IL1RAPL1: variants seen among roughly 807,000 people sequenced by gnomAD.
IL1RAPL1 encodes interleukin-1 receptor accessory protein-like 1.
In IL1RAPL1, 3 loss-of-function variants were observed where a neutral mutation model predicts 48.4. That is an observed-to-expected ratio of 0.06 (90% CI 0.03 to 0.16). The LOEUF (loss-of-function observed/expected upper bound fraction) is 0.16. Among genes scored for constraint, IL1RAPL1 ranks in the 10% least tolerant of loss-of-function variants. The probability of loss-of-function intolerance (pLI) is 1.00; values close to 1 mark genes in which losing one functional copy is unlikely to be tolerated. For synonymous variants in IL1RAPL1, 185 were observed against 187.7 expected, an observed-to-expected ratio of 0.99 and a Z score of 0.12; for missense variants, 349 against 530.6, an observed-to-expected ratio of 0.66 and a Z score of 3.36.
intron 3 of IL1RAPL1, among the ~76,000 whole-genome samples, chrX:29,390,828 C>G (rs777802128): frequency 2.7e-5 from 3 of 111,867 alleles, no homozygotes; most frequent in Admixed American, 9.5e-5. Context: ...AATTTCTGCA[C>G]TTTGATCTAT....
intron 1 of IL1RAPL1, among the ~76,000 whole-genome samples, chrX:28,652,451 C>A (rs1018027483): frequency 1.8e-5 from 2 of 111,719 alleles, no homozygotes; most frequent in Non-Finnish European, 3.8e-5. Flanking sequence ...CATGCACTAC[C>A]CTCATACAAT....
intron 1 of IL1RAPL1, among the ~76,000 whole-genome samples, chrX:28,661,282 G>T (rs1258836547): frequency 8.9e-6 from 1 of 111,755 alleles, no homozygotes; most frequent in Non-Finnish European, 1.9e-5. Context: ...ATTCAGCTGA[G>T]GGTAACTACT....
intron 6 of IL1RAPL1, among the ~76,000 whole-genome samples, chrX:29,777,929 T>TGTTTTCATTTATACTGTTGTATAAATA (rs1569166076): frequency 9.1e-5 from 10 of 109,491 alleles, no homozygotes; most frequent in African/African-American, 2.7e-4. Context: ...AAATTAATCT[T>TGTTTTCATTTATACTGTTGTATAAATA]GTTTTCATTT....
chrX:28,824,571 A>G (rs1455755268), intron 2 of IL1RAPL1, among the ~76,000 whole-genome samples: 2 of 110,965 alleles, frequency 1.8e-5, no homozygotes, highest in Non-Finnish European at 3.8e-5. Context: ...GTTCTGTCCT[A>G]TCCTCCTACC....
At chrX:29,328,460 G>A (rs1932856710) in intron 3 of IL1RAPL1, among the ~76,000 whole-genome samples, 1 of 110,837 alleles carries the variant, frequency 9.0e-6, no homozygotes, top group Non-Finnish European at 1.9e-5. Flanking sequence ...GAATAACACA[G>A]TTTTCAGATG....
Position 28,886,223 on chromosome X carries a change from A to G in IL1RAPL1, c.82+96798A>G, listed in dbSNP as rs952650708. The stretch of plus-strand genomic sequence containing the variant: ...ACTAGAATATATATAATTTTATTAT[A>G]TTATCTCCTTTTTACATTGTTTTTT... On this transcript the variant is annotated intron_variant, in intron 2 of 10. Transcript: ENST00000378993. Among the ~76,000 whole-genome samples the G allele has an allele frequency of 1.7e-4, 19 of 109,838 alleles. No individual in the cohort carries two copies. In the Admixed American group the frequency reaches 1.9e-3, roughly 11 times the overall value.
At chrX:28,842,056 T>A (rs1921386278) in intron 2 of IL1RAPL1, among the ~76,000 whole-genome samples, 1 of 110,588 alleles carries the variant, frequency 9.0e-6, no homozygotes, top group African/African-American at 3.3e-5. Context: ...TCTCAGCTAG[T>A]GGTCCCTTAG....
intron 2 of IL1RAPL1, among the ~76,000 whole-genome samples, chrX:28,859,067 C>G (rs1412914121): frequency 3.6e-5 from 4 of 111,682 alleles, no homozygotes; most frequent in African/African-American, 1.3e-4. Flanking sequence ...GATTACTTAC[C>G]CATGTTTTCC....
intron 1 of IL1RAPL1, among the ~76,000 whole-genome samples, chrX:28,646,683 G>A (rs892837497): frequency 1.8e-5 from 2 of 112,087 alleles, no homozygotes; most frequent in Non-Finnish European, 3.8e-5. Flanking sequence ...AGAAACAAGT[G>A]AGATGGATAT....
chrX:29,368,736 ATGTGTGTG>A (rs376272672), intron 3 of IL1RAPL1, among the ~76,000 whole-genome samples: 1 of 103,693 alleles, frequency 9.6e-6, no homozygotes, highest in Non-Finnish European at 2.0e-5. Context: ...GCCTCTGTGT[ATGTGTGTG>A]TGTGTGTGTG....
chrX:29,116,198 A>C (rs2147473732), intron 2 of IL1RAPL1, among the ~76,000 whole-genome samples: 1 of 111,462 alleles, frequency 9.0e-6, no homozygotes, highest in East Asian at 2.8e-4. Context: ...ATGCTTGGGT[A>C]AGAATTGATA....
chrX:29,457,430 A>C (rs181549515), intron 5 of IL1RAPL1, among the ~76,000 whole-genome samples: 6 of 111,274 alleles, frequency 5.4e-5, no homozygotes, highest in African/African-American at 2.0e-4. Context: ...ATACGTGAGA[A>C]CATGCGGTCT....
chrX:28,884,230 T>C (rs768626560), intron 2 of IL1RAPL1, among the ~76,000 whole-genome samples: 1 of 111,693 alleles, frequency 9.0e-6, no homozygotes, highest in East Asian at 2.8e-4. Flanking sequence ...CAGTCAGAAA[T>C]TGTCATCTAG....
At chrX:28,822,521 A>G (rs1162210467) in intron 2 of IL1RAPL1, among the ~76,000 whole-genome samples, 1 of 111,869 alleles carries the variant, frequency 8.9e-6, no homozygotes, top group African/African-American at 3.2e-5. Context: ...TGCCTAATGC[A>G]GTTGTTTCCA....
intron 1 of IL1RAPL1, among the ~76,000 whole-genome samples, chrX:28,680,546 G>GCT (rs1935048219): frequency 9.0e-6 from 1 of 111,410 alleles, no homozygotes; most frequent in South Asian, 3.8e-4. Context: ...TAGCAGAAAA[G>GCT]CTTTCAGCTT....
intron 1 of IL1RAPL1, among the ~76,000 whole-genome samples, chrX:28,688,933 C>T (rs779223612): frequency 9.0e-6 from 1 of 110,862 alleles, no homozygotes; most frequent in Non-Finnish European, 1.9e-5. Flanking sequence ...TAGTCCTGCC[C>T]ATAATGAGAG....
intron 2 of IL1RAPL1, among the ~76,000 whole-genome samples, chrX:29,110,169 C>T (rs939232330): frequency 8.9e-6 from 1 of 112,011 alleles, no homozygotes; most frequent in Non-Finnish European, 1.9e-5. Flanking sequence ...ATGTAATGAT[C>T]AAGTCCTCCC....
At chrX:29,953,647 T>A (rs1933357092) in intron 9 of IL1RAPL1, among the ~76,000 whole-genome samples, 1 of 111,631 alleles carries the variant, frequency 9.0e-6, no homozygotes, top group African/African-American at 3.3e-5. Context: ...AAATAATGTC[T>A]TTCTATAATC....
intron 6 of IL1RAPL1, among the ~76,000 whole-genome samples, chrX:29,676,809 A>G (rs5972650): frequency 0.024 from 2,642 of 111,700 alleles, 72 homozygotes; most frequent in African/African-American, 0.081. Context: ...GGTTTTGATG[A>G]TAGTCATATC....
Sources: allele counts gnomAD v4.1 joint callset (sites outside exome capture counted in the v4.1 genomes callset), GRCh38; gene constraint gnomAD v4.1.1; transcripts MANE v1.5; gene names NCBI Gene and HGNC (gene_info 2026-07-23, HGNC 2026-07-21).